EBF1: variants seen among roughly 807,000 people sequenced by gnomAD.
EBF1 encodes EBF transcription factor 1.
EBF1 carries 10 observed loss-of-function variants against 68.4 expected under a neutral mutation model. That is an observed-to-expected ratio of 0.15 (90% CI 0.09 to 0.25). The LOEUF (loss-of-function observed/expected upper bound fraction) is 0.25, where lower values mean the gene tolerates loss of function less well. Among genes scored for constraint, EBF1 ranks in the 10% least tolerant of loss-of-function variants. The probability of loss-of-function intolerance (pLI) is 1.00; values close to 1 mark genes in which losing one functional copy is unlikely to be tolerated. For missense variants in EBF1, 509 were observed against 794.4 expected, an observed-to-expected ratio of 0.64 and a Z score of 4.32; for synonymous variants, 298 against 299.8, an observed-to-expected ratio of 0.99 and a Z score of 0.06.
chr5:158,963,684 T>A (rs1281644920), intron 6 of EBF1, among the ~76,000 whole-genome samples: 1 of 152,094 alleles, frequency 6.6e-6, no homozygotes, highest in African/African-American at 2.4e-5. Context: ...AGATATTAAA[T>A]CGAAACATTT....
intron 7 of EBF1, among the ~76,000 whole-genome samples, chr5:158,837,957 A>G (rs544908836): frequency 6.6e-6 from 1 of 152,312 alleles, no homozygotes; most frequent in South Asian, 2.1e-4. Context: ...GCAAGCTACA[A>G]AACAGTTTAT....
intron 7 of EBF1, 67 bp from the exon 8 acceptor site, chr5:158,823,384 TTAAA>T (rs2127860527): frequency 1.4e-6 from 2 of 1,469,254 alleles, no homozygotes; most frequent in African/African-American, 1.4e-5. Flanking sequence ...TAAACTCAAG[TTAAA>T]TAAATAACAG....
chr5:158,864,845 G>A (rs1795597217), intron 6 of EBF1, among the ~76,000 whole-genome samples: 1 of 152,152 alleles, frequency 6.6e-6, no homozygotes, highest in South Asian at 2.1e-4. Context: ...TGAGCGAGGA[G>A]GGAGGTGATG....
At chr5:159,087,267 T>TAC (rs113914914) in intron 4 of EBF1, among the ~76,000 whole-genome samples, 2,514 of 135,598 alleles carry the variant, frequency 0.019, 68 homozygotes, top group African/African-American at 0.062. Flanking sequence ...TATATATATA[T>TAC]ACACACACAC....
chr5:158,741,696 T>C (rs1182402078), intron 10 of EBF1, among the ~76,000 whole-genome samples: 1 of 152,156 alleles, frequency 6.6e-6, no homozygotes, highest in Non-Finnish European at 1.5e-5. Context: ...TTGAAATATC[T>C]CATAGCATCC....
At chr5:158,812,965 T>C (rs1312991007) in intron 8 of EBF1, among the ~76,000 whole-genome samples, 1 of 152,128 alleles carries the variant, frequency 6.6e-6, no homozygotes, top group Non-Finnish European at 1.5e-5. Flanking sequence ...GACTTTCTTT[T>C]AAAAATGATT....
intron 6 of EBF1, among the ~76,000 whole-genome samples, chr5:158,884,735 T>C (rs924667934): frequency 1.3e-5 from 2 of 152,218 alleles, no homozygotes; most frequent in Non-Finnish European, 2.9e-5. Flanking sequence ...TCATCATTAT[T>C]ATACTACTAA....
intron 6 of EBF1, among the ~76,000 whole-genome samples, chr5:158,992,917 C>CTTTTTTTTTTTTTTTTTTTTTTTTTTTTT (rs148629320): frequency 1.4e-5 from 1 of 72,826 alleles, no homozygotes; most frequent in Non-Finnish European, 2.4e-5. Flanking sequence ...CTGTTTCTTT[C>CTTTTTTTTTTTTTTTTTTTTTTTTTTTTT]TTTTTTTTTT....
chr5:158,721,525 A>C (rs886293943), intron 11 of EBF1, among the ~76,000 whole-genome samples: 1 of 152,246 alleles, frequency 6.6e-6, no homozygotes, highest in Non-Finnish European at 1.5e-5. Flanking sequence ...CAAATAAATT[A>C]GCCAGAGTGT....
chr5:158,975,702 C>T (rs946022218), intron 6 of EBF1, among the ~76,000 whole-genome samples: 5 of 152,210 alleles, frequency 3.3e-5, no homozygotes, highest in African/African-American at 1.2e-4. Context: ...AGAAACTTAT[C>T]CACAGCCACA....
rs202113947 is a variant in EBF1 at position 159,005,658 on chromosome 5, T to TA, written c.554+67737dup. On this transcript the variant is annotated intron_variant, in intron 6 of 15. Coordinates refer to ENST00000313708, the MANE Select transcript of EBF1 (RefSeq NM_024007.5). ...TGTACATGCTTTTGTCTTTTCTGCATAAAAAAAACCAGAATATCAACTTTT... is the reference window on the plus strand; with the variant it reads ...TGTACATGCTTTTGTCTTTTCTGCATAAAAAAAAACCAGAATATCAACTTTT... Among the ~76,000 whole-genome samples, 750 of 152,030 alleles carry TA rather than the reference T, an allele frequency of 4.9e-3. 3 individuals carry two copies. Among genetic ancestry groups the TA allele is most frequent in the Middle Eastern group, 6.8e-3 (2 of 294 alleles).
chr5:158,868,646 C>T (rs754947603), intron 6 of EBF1, among the ~76,000 whole-genome samples: 40 of 152,168 alleles, frequency 2.6e-4, no homozygotes, highest in Non-Finnish European at 5.3e-4. Context: ...TGGAGTCACA[C>T]GTCACACAGC....
chr5:158,911,716 G>A lies in EBF1; in HGVS notation c.555-71606C>T, dbSNP rs1806015075. ...CTGGAATGGGATTCCTTGAGTAGGA[G>A]AGTATACCCACCACTCCTGTTATGA... is the stretch of plus-strand genomic sequence containing the variant. On this transcript the variant is annotated intron_variant, in intron 6 of 15. Transcript: ENST00000313708. 2.6e-5 allele frequency among the ~76,000 whole-genome samples: 4 copies of A among 152,316 alleles called. No individual in the cohort carries two copies. In the South Asian group the frequency reaches 8.3e-4, roughly 32 times the overall value.
intron 6 of EBF1, among the ~76,000 whole-genome samples, chr5:158,879,780 G>A (rs995540931): frequency 2.0e-5 from 3 of 152,136 alleles, no homozygotes; most frequent in Non-Finnish European, 4.4e-5. Flanking sequence ...CGGACAGGAG[G>A]GCACCCCAGC....
At chr5:158,763,683 G>A (rs555478633) in intron 10 of EBF1, among the ~76,000 whole-genome samples, 1 of 152,214 alleles carries the variant, frequency 6.6e-6, no homozygotes, top group Non-Finnish European at 1.5e-5. Flanking sequence ...GAGAAATAAA[G>A]AGTTTATCAA....
At position 158,777,405 on chromosome 5, in the gene EBF1, G is replaced by GTTC; in HGVS notation, c.1036+5_1036+7dup. The stretch of plus-strand genomic sequence containing the variant: ...AGTTCTGTGCTCACCATGTGCTGTG[G>GTTC]TTCTTACCTGTATAAATGAATCTGC... On this transcript the variant is annotated splice_region_variant and intron_variant, in intron 10 of 15. Transcript: ENST00000313708. The GTTC allele has an allele frequency of 2.5e-6, 4 of 1,609,614 alleles. No individual in the cohort carries two copies. The highest frequency in any genetic ancestry group is 1.1e-5 in the South Asian group (1 of 90,288).
Position 159,095,609 on chromosome 5 carries a change from A to T in EBF1, c.411+11T>A. 6.2e-7 allele frequency: 1 copy of T among 1,613,846 alleles called. No homozygotes were observed. The highest frequency in any genetic ancestry group is 8.5e-7 in the Non-Finnish European group (1 of 1,179,832). ...ATAGAGCCCCCCGTGGCCCAAAATCAAGAAACTTACTTGTTTTGTCATGGA... is the reference window on the plus strand; with the variant it reads ...ATAGAGCCCCCCGTGGCCCAAAATCTAGAAACTTACTTGTTTTGTCATGGA... On this transcript the variant is annotated intron_variant, in intron 4 of 15. Transcript: ENST00000313708.
At chr5:158,809,269 T>A (rs1292271384) in intron 8 of EBF1, among the ~76,000 whole-genome samples, 1 of 152,176 alleles carries the variant, frequency 6.6e-6, no homozygotes, top group Non-Finnish European at 1.5e-5. Flanking sequence ...ATGTTCCTCA[T>A]TCCACTTTAC....
chr5:158,829,357 AT>A (rs1175038518), intron 7 of EBF1, among the ~76,000 whole-genome samples: 1 of 118,074 alleles, frequency 8.5e-6, no homozygotes, highest in East Asian at 2.4e-4. Context: ...TTTTTTTTGT[AT>A]TTTTTTTGTG....
Sources: allele counts gnomAD v4.1 joint callset (sites outside exome capture counted in the v4.1 genomes callset), GRCh38; gene constraint gnomAD v4.1.1; transcripts MANE v1.5; gene names NCBI Gene and HGNC (gene_info 2026-07-23, HGNC 2026-07-21).